The following ITGA5 variants were observed in gnomAD, a reference collection of about 807,000 sequenced individuals.
ITGA5 encodes integrin alpha-5.
In ITGA5, 55 loss-of-function variants were observed where a neutral mutation model predicts 146.3. That is an observed-to-expected ratio of 0.38 (90% CI 0.30 to 0.47). The LOEUF (loss-of-function observed/expected upper bound fraction) is 0.47, where lower values mean the gene tolerates loss of function less well. Ranked by LOEUF, ITGA5 falls within the 20% of genes least tolerant of loss-of-function variation. The pLI is 0.99. For missense variants in ITGA5, 1,131 were observed against 1,329.0 expected (o/e 0.85, Z 2.32); for synonymous variants, 500 against 531.8 (o/e 0.94, Z 0.82).
At chr12:54,405,840 A>G in intron 10 of ITGA5, 30 bp downstream of exon 10, 1 of 1,610,780 alleles carries the variant, frequency 6.2e-7, no homozygotes, top group Non-Finnish European at 8.5e-7. Flanking sequence ...ACAGAGGCCA[A>G]GCTGGGGTGG....
chr12:54,396,086 A>G lies in ITGA5; in HGVS notation c.*207T>C. ...CCATCCATGAAGAGGGTATGTGTAA[A>G]CAAGGGTCCTTCACAGTGCATGGGG... is the stretch of plus-strand genomic sequence containing the variant. On this transcript the variant is annotated 3_prime_UTR_variant, in exon 30 of 30. Coordinates refer to ENST00000293379, the MANE Select transcript of ITGA5 (RefSeq NM_002205.5). 1.8e-6 allele frequency: 1 copy of G among 550,750 alleles called. No individual in the cohort carries two copies. The highest frequency in any genetic ancestry group is 3.3e-6 in the Non-Finnish European group (1 of 306,238). The allele number at this position is 550,750 out of a possible 1,614,324, so 34.1% of individuals were successfully genotyped here.
At chr12:54,404,085 C>T (rs1007944732) in intron 15 of ITGA5, 60 bp downstream of exon 15, 1 of 1,561,626 alleles carries the variant, frequency 6.4e-7, no homozygotes. Context: ...TTAAGGCAGA[C>T]TTGGTGCCCC....
chr12:54,414,874 C>A (rs986433945), intron 1 of ITGA5, among the ~76,000 whole-genome samples: 2 of 138,406 alleles, frequency 1.4e-5, no homozygotes, highest in Non-Finnish European at 3.1e-5. Flanking sequence ...AACGGCCAGG[C>A]GTGGTGGCTC....
Position 54,409,118 on chromosome 12 carries a change from G to C in ITGA5, c.583+114C>G, listed in dbSNP as rs1955907039. 3 of 1,485,242 alleles carry C rather than the reference G, an allele frequency of 2.0e-6. No individual in the cohort carries two copies. The highest frequency in any genetic ancestry group is 2.7e-6 in the Non-Finnish European group (3 of 1,092,768). 92.0% of individuals were successfully genotyped at this position (1,485,242 alleles called of 1,614,324 possible). A position where few individuals can be genotyped will look rare whatever the true frequency, so the allele number is the denominator to read the frequency against. On this transcript the variant is annotated intron_variant, in intron 4 of 29. Coordinates refer to ENST00000293379, the MANE Select transcript of ITGA5 (RefSeq NM_002205.5). The surrounding 1 kb of genome is among the most constrained non-coding windows in gnomAD (Gnocchi z 4.7). ...CGAACTGGGTTAGCCTTTATCTTAA[G>C]CAACCTAGAACCTCATGGGGGCACA...
rs532056767 is a variant in ITGA5 at position 54,400,986 on chromosome 12, G to T, written c.2503C>A (p.Gln835Lys). Residue 835 changes from glutamine (Q) to lysine (K), a missense_variant, in exon 25 of 30, where the codon CAA (glutamine) becomes AAA (lysine). Coordinates refer to ENST00000293379, the MANE Select transcript of ITGA5 (RefSeq NM_002205.5). ...CCCTGGCTAATGGAGCTGGGGCCTT[G>T]GTTGATGAGCTGAGGAGGGAAGAGC... ...AVHHVYELINQGPSSISQGVL... is the reference protein window; with the variant it reads ...AVHHVYELINKGPSSISQGVL... The T allele has an allele frequency of 1.9e-6, 3 of 1,613,620 alleles. No individual in the cohort carries two copies.
chr12:54,410,805 C>A (rs773232900), intron 2 of ITGA5, among the ~76,000 whole-genome samples: 1 of 151,980 alleles, frequency 6.6e-6, no homozygotes, highest in Non-Finnish European at 1.5e-5. Context: ...CAGCTCACTG[C>A]AATCTCTGCC....
intron 1 of ITGA5, among the ~76,000 whole-genome samples, chr12:54,417,070 G>A (rs549208145): frequency 6.6e-6 from 1 of 152,184 alleles, no homozygotes; most frequent in Admixed American, 6.5e-5. Flanking sequence ...AAATGAGAGG[G>A]AAGGAGTGCA....
chr12:54,402,182 C>G lies in ITGA5; in HGVS notation c.2131G>C (p.Gly711Arg). 6.2e-7 allele frequency: 1 copy of G among 1,613,494 alleles called. No individual in the cohort carries two copies. The highest frequency in any genetic ancestry group is 2.2e-5 in the East Asian group (1 of 44,852). Reference protein sequence around the residue: ...AEYSGLVRHPGNFSSLSCDYF... With the variant: ...AEYSGLVRHPRNFSSLSCDYF... ...CCCACTCGAGAGTCTCATCTCACCC[C>G]TGGGTGTCTGACGAGTCCTGAGTAC... Residue 711 changes from glycine (G) to arginine (R), a missense_variant and splice_region_variant, in exon 20 of 30, where the codon GGG becomes CGG. Physicochemically the swap from Gly to Arg is moderately radical, Grantham distance 125. This residue lies in a region of ITGA5 where 889 missense variants were observed against 1,021.5 expected (regional missense o/e 0.87). Coordinates refer to ENST00000293379, the MANE Select transcript of ITGA5 (RefSeq NM_002205.5).
chr12:54,411,765 C>G, intron 2 of ITGA5, 69 bp downstream of exon 2: 1 of 1,350,544 alleles, frequency 7.4e-7, no homozygotes, highest in African/African-American at 1.5e-5. Flanking sequence ...TCGCCCCAGG[C>G]CCCACCCAGG....
At chr12:54,400,434 T>C (rs1565638359) in intron 25 of ITGA5, 1 of 197,518 alleles carries the variant, frequency 5.1e-6, no homozygotes, top group Non-Finnish European at 1.0e-5. Flanking sequence ...GTAAGTTCCA[T>C]GAACGTGGAG....
chr12:54,410,371 G>T (rs1592291475), intron 2 of ITGA5, among the ~76,000 whole-genome samples: 1 of 139,206 alleles, frequency 7.2e-6, no homozygotes, highest in Non-Finnish European at 1.6e-5. Flanking sequence ...TTTGAGATAG[G>T]GTCTCACTCT....
intron 12 of ITGA5, 56 bp downstream of exon 12, chr12:54,405,110 C>T: frequency 6.8e-7 from 1 of 1,465,742 alleles, no homozygotes; most frequent in Non-Finnish European, 9.2e-7. Flanking sequence ...CTCCCCAAAT[C>T]CCTTCTGACT....
chr12:54,417,722 C>T (rs971279259), intron 1 of ITGA5, among the ~76,000 whole-genome samples: 7 of 151,548 alleles, frequency 4.6e-5, no homozygotes, highest in African/African-American at 1.7e-4. Flanking sequence ...CCCTGAGATC[C>T]TGGGGTTGGG....
At position 54,405,697 on chromosome 12, in the gene ITGA5, T is replaced by G. The variant is rs1854846396; in HGVS notation, c.983A>C (p.Tyr328Ser). The part of the protein sequence containing the change: ...SGEQMASYFG[Y>S]AVAATDVNGD... The stretch of plus-strand genomic sequence containing the variant: ...ATTGACGTCTGTGGCGGCCACTGCA[T>G]AGCCAAAGTAGGAGGCCATCTGGGG... Residue 328 changes from tyrosine (Y) to serine (S), a missense_variant, in exon 11 of 30, where the codon TAT (tyrosine) becomes TCT (serine). By Grantham distance (144) the Tyr-to-Ser change is moderately radical. Around this residue, in one of 3 missense-constraint regions of ITGA5, gnomAD observed 889 missense variants for 1,021.5 expected, o/e 0.87. Coordinates refer to ENST00000293379, the MANE Select transcript of ITGA5 (RefSeq NM_002205.5). 1 of 1,613,952 alleles carries G rather than the reference T, an allele frequency of 6.2e-7. No individual in the cohort carries two copies. Among genetic ancestry groups the G allele is most frequent in the Non-Finnish European group, 8.5e-7 (1 of 1,179,984 alleles).
intron 2 of ITGA5, among the ~76,000 whole-genome samples, chr12:54,410,108 G>A (rs1450951121): frequency 6.6e-6 from 1 of 151,918 alleles, no homozygotes; most frequent in Non-Finnish European, 1.5e-5. Flanking sequence ...GCCCGCCTCA[G>A]CCTCCCAAAG....
intron 15 of ITGA5, 40 bp downstream of exon 15, chr12:54,404,105 C>CCAGGCT: frequency 6.4e-7 from 1 of 1,571,516 alleles, no homozygotes. Flanking sequence ...CTGCCCACTC[C>CCAGGCT]CAGGCTCAGG....
chr12:54,401,802 G>A lies in ITGA5; in HGVS notation c.2280C>T (p.Thr760=). 6.2e-7 allele frequency: 1 copy of A among 1,614,144 alleles called. No individual in the cohort carries two copies. Among genetic ancestry groups the A allele is most frequent in the Non-Finnish European group, 8.5e-7 (1 of 1,179,998 alleles). The change falls in exon 22 of 30, where the codon ACC becomes ACT. Residue 760 remains threonine, a synonymous_variant. Coordinates refer to ENST00000293379, the MANE Select transcript of ITGA5 (RefSeq NM_002205.5). The surrounding 1 kb of genome is among the most constrained non-coding windows in gnomAD (Gnocchi z 5.0). The part of the protein sequence containing the change: ...TVPHLRDTKK[T]IQFDFQILSK... The stretch of plus-strand genomic sequence containing the variant: ...TGAGGATCTGGAAGTCAAACTGGAT[G>A]GTTTTCTTAGTGTCCCGGAGATGAG...
At position 54,404,815 on chromosome 12, in the gene ITGA5, C is replaced by T; in HGVS notation, c.1305G>A (p.Leu435=). 2 of 1,613,498 alleles carry T rather than the reference C, an allele frequency of 1.2e-6. No individual in the cohort carries two copies. The highest frequency in any genetic ancestry group is 1.7e-6 in the Non-Finnish European group (2 of 1,179,694). The change falls in exon 13 of 30, where the codon CTG becomes CTA. Residue 435 remains leucine (L), a synonymous_variant. Coordinates refer to ENST00000293379, the MANE Select transcript of ITGA5 (RefSeq NM_002205.5). ...VFVFPGGPGG[L]GSKPSQVLQP... is the part of the protein sequence containing the mutation. ...GCAGAACCTGGGAAGGCTTAGAGCC[C>T]AGCCCTCCTGGGCCCCCAGGAAATA...
In ITGA5 at chr12:54,409,152, G is replaced by T; in HGVS notation, c.583+80C>A. The stretch of plus-strand genomic sequence containing the variant: ...AACCTCATGGGGGCACATGGTAGGT[G>T]CGAGTCAACCCTAAGTATGTGAGAC... On this transcript the variant is annotated intron_variant, in intron 4 of 29. Transcript: ENST00000293379. The surrounding 1 kb of genome is among the most constrained non-coding windows in gnomAD (Gnocchi z 4.7). 1 of 1,547,750 alleles carries T rather than the reference G, an allele frequency of 6.5e-7. No homozygotes were observed. The highest frequency in any genetic ancestry group is 8.7e-7 in the Non-Finnish European group (1 of 1,144,546).
Sources: gnomAD v4.1 joint callset for allele counts (sites outside exome capture counted in the v4.1 genomes callset) on GRCh38, gnomAD v4.1.1 for gene constraint, gnomAD v4.1.1 regional missense constraint, Gnocchi (gnomAD v3.1) non-coding constraint, MANE v1.5 for transcripts, NCBI Gene and HGNC (gene_info 2026-07-23, HGNC 2026-07-21) for gene names.